DEPDC5: variants seen among roughly 807,000 people sequenced by gnomAD.
DEPDC5 encodes the protein DEP domain containing 5, GATOR1 subcomplex subunit.
Under a neutral mutation model 217.3 loss-of-function variants are expected in DEPDC5, and 73 were observed. The observed-to-expected ratio is 0.34, with a 90% confidence interval of 0.28 to 0.41. The LOEUF is 0.41. Among genes scored for constraint, DEPDC5 ranks in the 10% least tolerant of loss-of-function variants. The probability of loss-of-function intolerance (pLI) is 1.00; values close to 1 mark genes in which losing one functional copy is unlikely to be tolerated. For synonymous variants in DEPDC5, 733 were observed against 756.7 expected, an observed-to-expected ratio of 0.97 and a Z score of 0.51; for missense variants, 1,675 against 2,070.1, an observed-to-expected ratio of 0.81 and a Z score of 3.70.
chr22:31,768,742 A>T (rs934920632), intron 6 of DEPDC5, 72 bp from the exon 7 acceptor site: 1 of 1,325,068 alleles, frequency 7.5e-7, no homozygotes. Context: ...TAATATGTTA[A>T]TCAATCTCTC....
chr22:31,879,087 TATATATACACATATATATAC>T (rs1035910467), intron 37 of DEPDC5, among the ~76,000 whole-genome samples: 6 of 137,714 alleles, frequency 4.4e-5, no homozygotes, highest in African/African-American at 1.8e-4. Context: ...CACACGTATA[TATATATACACATATATATAC>T]ATATATATAC....
intron 4 of DEPDC5, 46 bp downstream of exon 4, chr22:31,760,748 A>T (rs768301867): frequency 2.2e-5 from 32 of 1,430,590 alleles, no homozygotes; most frequent in Non-Finnish European, 2.8e-5. Flanking sequence ...TTACTGCCTC[A>T]GAAACTGTAA....
chr22:31,874,056 G>A, intron 35 of DEPDC5: 1 of 563,736 alleles, frequency 1.8e-6, no homozygotes. Flanking sequence ...GCCTCCCAAA[G>A]TGCTGGGATT....
intron 28 of DEPDC5, 76 bp from the exon 29 acceptor site, chr22:31,843,569 A>C: frequency 2.1e-5 from 32 of 1,515,838 alleles, no homozygotes; most frequent in Non-Finnish European, 2.7e-5. Flanking sequence ...CTAAGTGTAT[A>C]GAGATAGAAA....
At chr22:31,882,144 G>A (rs1000962504) in intron 38 of DEPDC5, among the ~76,000 whole-genome samples, 3 of 152,088 alleles carry the variant, frequency 2.0e-5, no homozygotes, top group East Asian at 1.9e-4. Context: ...GGCTGCATAC[G>A]AGAAGCTTCT....
chr22:31,868,665 G>C (rs1211812554), intron 33 of DEPDC5, among the ~76,000 whole-genome samples: 1 of 152,180 alleles, frequency 6.6e-6, no homozygotes, highest in African/African-American at 2.4e-5. Flanking sequence ...GGACTCAAGT[G>C]ATCCACTCGC....
intron 12 of DEPDC5, among the ~76,000 whole-genome samples, 159 bp from the exon 13 acceptor site, chr22:31,797,441 G>C (rs967554907): frequency 6.6e-6 from 1 of 151,998 alleles, no homozygotes; most frequent in Non-Finnish European, 1.5e-5. Context: ...ACTATCACAA[G>C]AACAGCATGG....
At chr22:31,869,908 CAG>C (rs746484820) in intron 33 of DEPDC5, among the ~76,000 whole-genome samples, 3 of 152,152 alleles carry the variant, frequency 2.0e-5, no homozygotes, top group African/African-American at 7.2e-5. Context: ...AGGCTGCAAT[CAG>C]GGGCTATTTA....
Position 31,804,932 on chromosome 22 carries a change from T to G in DEPDC5, c.1217+17T>G. ...AAACCACAGGTGGGTGCGATCTCGA[T>G]CAATAGTAGGTGATAAGCGTTTTGA... On this transcript the variant is annotated intron_variant, in intron 17 of 42. Coordinates refer to ENST00000651528, the MANE Select transcript of DEPDC5 (RefSeq NM_001242896.3). 1 of 1,609,300 alleles carries G rather than the reference T, an allele frequency of 6.2e-7. No individual in the cohort carries two copies. Among genetic ancestry groups the G allele is most frequent in the South Asian group, 1.1e-5 (1 of 90,616 alleles).
At chr22:31,801,131 A>G (rs1163155517) in intron 14 of DEPDC5, among the ~76,000 whole-genome samples, 2 of 151,852 alleles carry the variant, frequency 1.3e-5, no homozygotes, top group Non-Finnish European at 2.9e-5. Context: ...CATCTTTACT[A>G]AAAATACATA....
At chr22:31,869,998 G>T (rs1332060981) in intron 33 of DEPDC5, among the ~76,000 whole-genome samples, 1 of 152,224 alleles carries the variant, frequency 6.6e-6, no homozygotes, top group Non-Finnish European at 1.5e-5. Context: ...CAGAGGGCAG[G>T]CCGTGGGACT....
chr22:31,835,786 G>C (rs1951716511), intron 25 of DEPDC5, among the ~76,000 whole-genome samples: 2 of 152,216 alleles, frequency 1.3e-5, no homozygotes, highest in African/African-American at 4.8e-5. Context: ...TATAAGGCCT[G>C]TGTAGAGCAT....
In DEPDC5 at chr22:31,893,563, C is replaced by T. The variant is rs1244703118; in HGVS notation, c.4034-19C>T. The T allele has an allele frequency of 1.1e-5, 17 of 1,548,920 alleles. No individual in the cohort carries two copies. The Middle Eastern group carries it at 5.2e-4, about 47-fold the overall frequency. On this transcript the variant is annotated intron_variant, in intron 38 of 42. Transcript: ENST00000651528. ...TCCTTTTCTCACTCTCTTGGGGCCC[C>T]TCCTGTGTGCTGACATAGCTGCCAC...
chr22:31,872,465 C>T (rs2092873388), intron 34 of DEPDC5, among the ~76,000 whole-genome samples: 1 of 152,170 alleles, frequency 6.6e-6, no homozygotes, highest in Non-Finnish European at 1.5e-5. Context: ...CCCCATTTTT[C>T]ACATGGGGGC....
chr22:31,857,715 A>G (rs1193503316), intron 32 of DEPDC5, 162 bp downstream of exon 32: 5 of 532,666 alleles, frequency 9.4e-6, no homozygotes, highest in Non-Finnish European at 1.6e-5. Flanking sequence ...CTACTTTTAT[A>G]TAGGGACTTT....
intron 32 of DEPDC5, chr22:31,858,030 G>A (rs2092370546): frequency 6.6e-6 from 1 of 152,476 alleles, no homozygotes; most frequent in South Asian, 2.1e-4. Context: ...CTCCAGCCTT[G>A]GGTGACGCAG....
At chr22:31,756,620 A>G (rs2081962353) in intron 2 of DEPDC5, among the ~76,000 whole-genome samples, 1 of 152,186 alleles carries the variant, frequency 6.6e-6, no homozygotes, top group African/African-American at 2.4e-5. Flanking sequence ...GCAAGACTAT[A>G]GGTCAAAATA....
chr22:31,887,140 C>T (rs558521542), intron 38 of DEPDC5, among the ~76,000 whole-genome samples: 10 of 151,036 alleles, frequency 6.6e-5, no homozygotes, highest in East Asian at 5.9e-4. Flanking sequence ...AGTCATAGGC[C>T]GGGCATGTTG....
chr22:31,875,456 T>G (rs901765199), intron 36 of DEPDC5: 4 of 152,148 alleles, frequency 2.6e-5, no homozygotes, highest in African/African-American at 9.7e-5. Context: ...CATACGTGTT[T>G]ATATAATAAA....
Sources: allele counts gnomAD v4.1 joint callset (sites outside exome capture counted in the v4.1 genomes callset), GRCh38; gene constraint gnomAD v4.1.1; transcripts MANE v1.5; gene names NCBI Gene and HGNC (gene_info 2026-07-23, HGNC 2026-07-21).